ARHGAP44: variants seen among roughly 807,000 people sequenced by gnomAD.
The protein encoded by ARHGAP44 is rho GTPase-activating protein 44.
Under a neutral mutation model 106.8 loss-of-function variants are expected in ARHGAP44, and 43 were observed. The ratio of observed to expected loss-of-function variants is 0.40; its 90% CI spans 0.32 to 0.52. The LOEUF is 0.52. Ranked by LOEUF, ARHGAP44 falls within the 20% of genes least tolerant of loss-of-function variation. The pLI is 0.48. For missense variants in ARHGAP44, 866 were observed against 1,050.5 expected (o/e 0.82, Z 2.43); for synonymous variants, 439 against 410.3 (o/e 1.07, Z -0.85).
In ARHGAP44 at chr17:12,990,348, G is replaced by A; in HGVS notation, c.*177G>A. 1.3e-6 allele frequency: 1 copy of A among 798,100 alleles called. No individual in the cohort carries two copies. Among genetic ancestry groups the A allele is most frequent in the Non-Finnish European group, 1.9e-6 (1 of 525,928 alleles). 49.4% of individuals were successfully genotyped at this position (798,100 alleles called of 1,614,324 possible). A position where few individuals can be genotyped will look rare whatever the true frequency, so the allele number is the denominator to read the frequency against. On this transcript the variant is annotated 3_prime_UTR_variant, in exon 21 of 21. Coordinates refer to ENST00000379672, the MANE Select transcript of ARHGAP44 (RefSeq NM_014859.6). ...CTCCAGTCCGTGTGGTGATGCTGGT[G>A]GTGCAGGTTTTGTTTGTTCCTTTCG... is the stretch of plus-strand genomic sequence containing the variant.
rs1452105575 is a variant in ARHGAP44 at position 12,883,042 on chromosome 17, C to G, written c.54-11898C>G. Among the ~76,000 whole-genome samples the G allele has an allele frequency of 2.0e-5, 3 of 151,624 alleles. No homozygotes were observed. In the East Asian group the frequency reaches 5.8e-4, roughly 29 times the overall value. On this transcript the variant is annotated intron_variant, in intron 1 of 20. Transcript: ENST00000379672. Reference sequence around the variant, plus strand: ...TTTACCTGTAAAACATCTTGGTCTTCTGTTTTCTTTTTGGAATGATGTTTA... The same window carrying G: ...TTTACCTGTAAAACATCTTGGTCTTGTGTTTTCTTTTTGGAATGATGTTTA...
chr17:12,916,200 C>T (rs936363226), intron 5 of ARHGAP44, among the ~76,000 whole-genome samples, 189 bp downstream of exon 5: 3 of 152,126 alleles, frequency 2.0e-5, no homozygotes, highest in Non-Finnish European at 2.9e-5. Flanking sequence ...TTTGCTACCC[C>T]TTCTCCTACC....
intron 16 of ARHGAP44, among the ~76,000 whole-genome samples, chr17:12,970,358 C>A (rs1241174539): frequency 8.1e-6 from 1 of 123,264 alleles, no homozygotes; most frequent in East Asian, 2.1e-4. Context: ...AGAGCAAGAC[C>A]CTGTCTCAAA....
At chr17:12,796,232 A>G (rs552660411) in intron 1 of ARHGAP44, among the ~76,000 whole-genome samples, 3 of 151,550 alleles carry the variant, frequency 2.0e-5, no homozygotes, top group African/African-American at 7.3e-5. Context: ...TTTCCTTTAT[A>G]TTACATCTTG....
chr17:12,962,864 G>A (rs1402286141), intron 16 of ARHGAP44, among the ~76,000 whole-genome samples: 1 of 152,046 alleles, frequency 6.6e-6, no homozygotes, highest in Admixed American at 6.6e-5. Flanking sequence ...TGAACAACAT[G>A]GAGAAACCCT....
chr17:12,973,247 C>G (rs1012301969), intron 16 of ARHGAP44, 55 bp from the exon 17 acceptor site: 3 of 1,574,174 alleles, frequency 1.9e-6, no homozygotes, highest in Non-Finnish European at 2.6e-6. Context: ...CCTTTATGTC[C>G]AAAGGAAGGC....
chr17:12,802,959 ATATATATATATTTT>A (rs1415801603), intron 1 of ARHGAP44, among the ~76,000 whole-genome samples: 4 of 25,730 alleles, frequency 1.6e-4, no homozygotes, highest in African/African-American at 4.7e-4. Flanking sequence ...ATATATATAT[ATATATATATATTTT>A]TTTTTTTTTT....
chr17:12,959,860 G>T (rs930434549), intron 16 of ARHGAP44, among the ~76,000 whole-genome samples: 15 of 152,238 alleles, frequency 9.9e-5, no homozygotes, highest in African/African-American at 3.4e-4. Flanking sequence ...AACCTAGCTA[G>T]AACCTTCCCC....
At chr17:12,955,803 G>C in intron 13 of ARHGAP44, 64 bp from the exon 14 acceptor site, 1 of 974,610 alleles carries the variant, frequency 1.0e-6, no homozygotes, top group Non-Finnish European at 1.6e-6. Flanking sequence ...CTTCTGTCCA[G>C]TCCCCGGGGG....
At chr17:12,814,350 C>T (rs1462304110) in intron 1 of ARHGAP44, among the ~76,000 whole-genome samples, 2 of 149,728 alleles carry the variant, frequency 1.3e-5, no homozygotes, top group Non-Finnish European at 3.0e-5. Flanking sequence ...AAGCAATTCT[C>T]CTGCCTCAGC....
chr17:12,922,046 A>T (rs1279667434), intron 6 of ARHGAP44, among the ~76,000 whole-genome samples: 4 of 152,226 alleles, frequency 2.6e-5, no homozygotes, highest in African/African-American at 9.6e-5. Context: ...AAGAGAGTTG[A>T]TTACTTTTTC....
chr17:12,864,094 CA>C (rs2036168141), intron 1 of ARHGAP44, among the ~76,000 whole-genome samples: 1 of 152,128 alleles, frequency 6.6e-6, no homozygotes, highest in Non-Finnish European at 1.5e-5. Flanking sequence ...TTTGATGAAG[CA>C]GTCAAAAAGA....
In ARHGAP44 at chr17:12,986,886, C is replaced by T. The variant is rs868172052; in HGVS notation, c.2317+1978C>T. ...GACCTTCAGGATTCATAATGTCCCT[C>T]GCCCTGTGCGGACCCTATTTTAATG... is the stretch of plus-strand genomic sequence containing the variant. On this transcript the variant is annotated intron_variant, in intron 20 of 20. Transcript: ENST00000379672. The T allele has an allele frequency of 1.9e-5, 10 of 517,264 alleles. No individual in the cohort carries two copies. The South Asian group carries it at 2.0e-4, about 10-fold the overall frequency. The allele number at this position is 517,264 out of a possible 1,614,324, so 32.0% of individuals were successfully genotyped here. A position where few individuals can be genotyped will look rare whatever the true frequency, so the allele number is the denominator to read the frequency against.
chr17:12,798,842 G>A (rs2034002941), intron 1 of ARHGAP44, among the ~76,000 whole-genome samples: 1 of 152,258 alleles, frequency 6.6e-6, no homozygotes, highest in Non-Finnish European at 1.5e-5. Flanking sequence ...GTGTTTTCTG[G>A]ATGTAGTTCT....
At chr17:12,948,407 C>T (rs1029157817) in intron 10 of ARHGAP44, among the ~76,000 whole-genome samples, 5 of 152,170 alleles carry the variant, frequency 3.3e-5, no homozygotes, top group African/African-American at 4.8e-5. Context: ...CTGTGGCTCA[C>T]GCCTGTAATC....
chr17:12,874,280 G>A (rs1199273408), intron 1 of ARHGAP44, among the ~76,000 whole-genome samples: 1 of 152,192 alleles, frequency 6.6e-6, no homozygotes, highest in African/African-American at 2.4e-5. Context: ...CTGAAGACCG[G>A]GTCACATGGG....
intron 15 of ARHGAP44, among the ~76,000 whole-genome samples, chr17:12,957,232 A>G (rs1236823463): frequency 6.6e-6 from 1 of 152,196 alleles, no homozygotes; most frequent in Non-Finnish European, 1.5e-5. Flanking sequence ...TGCTGGGATT[A>G]CAGGCGTCAG....
intron 19 of ARHGAP44, among the ~76,000 whole-genome samples, chr17:12,981,855 A>T (rs555196366): frequency 9.9e-5 from 15 of 152,012 alleles, no homozygotes; most frequent in Admixed American, 6.5e-4. Flanking sequence ...ACTAAAATAT[A>T]AAAAAATCAG....
chr17:12,935,358 G>A lies in ARHGAP44; in HGVS notation c.583-5698G>A, dbSNP rs145810910. ...GGAAGCTGAGGCGGGTGGATCACCT[G>A]AGGTTAGGAGTTCAAGACCAGCCTG... is the stretch of plus-strand genomic sequence containing the variant. On this transcript the variant is annotated intron_variant, in intron 7 of 20. Transcript: ENST00000379672. Among the ~76,000 whole-genome samples, 1,413 of 152,252 alleles carry A rather than the reference G, an allele frequency of 9.3e-3. 23 individuals are homozygous for A. Among genetic ancestry groups the A allele is most frequent in the African/African-American group, 0.033 (1,352 of 41,536 alleles).
Sources: allele counts gnomAD v4.1 joint callset (sites outside exome capture counted in the v4.1 genomes callset), GRCh38; gene constraint gnomAD v4.1.1; transcripts MANE v1.5; gene names NCBI Gene and HGNC (gene_info 2026-07-23, HGNC 2026-07-21).